Variants in CUX1 observed in about 807,000 individuals in gnomAD.
CUX1 encodes the protein cut like homeobox 1.
A neutral mutation model predicts 158.8 loss-of-function variants in CUX1; 31 were observed. The observed-to-expected ratio is 0.20, with a 90% CI of 0.15 to 0.26. CUX1 has a LOEUF of 0.26. CUX1 is among the 10% of genes least tolerant of loss of function. The probability of loss-of-function intolerance (pLI) is 1.00; values close to 1 mark genes in which losing one functional copy is unlikely to be tolerated. For missense variants in CUX1, 1,589 were observed against 2,014.6 expected (o/e 0.79, Z 4.04); for synonymous variants, 879 against 862.1 (o/e 1.02, Z -0.34).
In CUX1 at chr7:102,248,949, C is replaced by T. The variant is rs149171097; in HGVS notation, c.4425C>T (p.Pro1475=). 1.5e-5 allele frequency: 23 copies of T among 1,487,892 alleles called. No homozygotes were observed. Among genetic ancestry groups the T allele is most frequent in the Non-Finnish European group, 2.0e-5 (22 of 1,114,058 alleles). 92.2% of individuals were successfully genotyped at this position (1,487,892 alleles called of 1,614,324 possible). ...AAGARDSRDN[P]LRKKKAANLN... is the part of the protein sequence containing the mutation. The stretch of plus-strand genomic sequence containing the variant: ...GCGCCCGGGACTCGCGCGACAACCC[C>T]CTGCGCAAGAAGAAGGCCGCGAACT... Residue 1475 remains proline, a synonymous_variant, in exon 24 of 24, where the codon CCC becomes CCT. Coordinates refer to ENST00000292535, the MANE Select transcript of CUX1 (RefSeq NM_181552.4). The surrounding 1 kb of genome is among the most constrained non-coding windows in gnomAD (Gnocchi z 5.8).
chr7:102,227,226 G>A, intron 20 of CUX1, 141 bp from the exon 21 acceptor site: 1 of 721,428 alleles, frequency 1.4e-6, no homozygotes, highest in East Asian at 2.5e-5. Flanking sequence ...ATATGAAACA[G>A]TTCACTAAGA....
intron 1 of CUX1, among the ~76,000 whole-genome samples, chr7:101,825,166 G>A (rs770444348): frequency 2.6e-5 from 4 of 152,132 alleles, no homozygotes; most frequent in Admixed American, 2.0e-4. Context: ...CTAAAATTAC[G>A]ACCAGAGCTG....
chr7:102,140,798 G>C (rs1280206184), intron 8 of CUX1, among the ~76,000 whole-genome samples: 1 of 151,642 alleles, frequency 6.6e-6, no homozygotes, highest in African/African-American at 2.4e-5. Flanking sequence ...CCAGGAGGCA[G>C]AGGTTGCGGT....
chr7:102,223,467 C>T (rs1389671767), intron 20 of CUX1, among the ~76,000 whole-genome samples: 7 of 151,772 alleles, frequency 4.6e-5, no homozygotes, highest in Admixed American at 1.3e-4. Flanking sequence ...GTCAGGGTGG[C>T]GAGGGTGAGG....
chr7:101,880,675 A>G (rs1020674781), intron 1 of CUX1, among the ~76,000 whole-genome samples: 11 of 152,232 alleles, frequency 7.2e-5, no homozygotes, highest in African/African-American at 2.7e-4. Context: ...AGAATGAAAT[A>G]TAGACTATAA....
At chr7:101,873,657 C>T (rs1798821764) in intron 1 of CUX1, among the ~76,000 whole-genome samples, 1 of 152,170 alleles carries the variant, frequency 6.6e-6, no homozygotes, top group Non-Finnish European at 1.5e-5. Context: ...GATCTTGGCT[C>T]ACTGCAACCT....
intron 20 of CUX1, among the ~76,000 whole-genome samples, chr7:102,222,437 G>A (rs1180043893): frequency 9.9e-5 from 15 of 152,140 alleles, no homozygotes; most frequent in African/African-American, 2.9e-4. Context: ...CACGTTGCCT[G>A]TCTGAGCCTC....
chr7:102,164,025 C>T (rs1427120196), intron 9 of CUX1, among the ~76,000 whole-genome samples: 1 of 152,212 alleles, frequency 6.6e-6, no homozygotes. Context: ...CATAAATACT[C>T]ACTGTCCCAA....
At chr7:102,089,009 G>A (rs1284603388) in intron 4 of CUX1, among the ~76,000 whole-genome samples, 1 of 152,206 alleles carries the variant, frequency 6.6e-6, no homozygotes. Flanking sequence ...ATAGGTTGCC[G>A]AGGGTTTACT....
At chr7:102,055,389 T>C (rs1263020686) in intron 3 of CUX1, among the ~76,000 whole-genome samples, 3 of 152,198 alleles carry the variant, frequency 2.0e-5, no homozygotes, top group African/African-American at 7.2e-5. Flanking sequence ...GTCAGCATTA[T>C]TTTTCCAACT....
chr7:102,182,415 T>C (rs1793195784), intron 11 of CUX1, among the ~76,000 whole-genome samples: 1 of 152,254 alleles, frequency 6.6e-6, no homozygotes, highest in Non-Finnish European at 1.5e-5. Flanking sequence ...TCTCCATCTT[T>C]CTGCCACTGA....
intron 3 of CUX1, among the ~76,000 whole-genome samples, chr7:102,067,403 A>G (rs1249099574): frequency 2.6e-5 from 4 of 151,526 alleles, no homozygotes; most frequent in Non-Finnish European, 5.9e-5. Flanking sequence ...ATGCCCGGCT[A>G]ATTTTTATAT....
chr7:101,863,039 A>G (rs1199373754), intron 1 of CUX1, among the ~76,000 whole-genome samples: 2 of 152,102 alleles, frequency 1.3e-5, no homozygotes, highest in Non-Finnish European at 2.9e-5. Context: ...TAACTTTCTC[A>G]TCGCTCACCC....
chr7:101,946,539 C>T (rs1456240162), intron 2 of CUX1, among the ~76,000 whole-genome samples: 3 of 96,606 alleles, frequency 3.1e-5, no homozygotes, highest in South Asian at 3.5e-4. Flanking sequence ...AGCGAGACTC[C>T]GTCTCAAAAA....
intron 18 of CUX1, among the ~76,000 whole-genome samples, chr7:102,279,329 A>T (rs1791876160): frequency 6.6e-6 from 1 of 152,202 alleles, no homozygotes; most frequent in Non-Finnish European, 1.5e-5. Context: ...CGACAGAGCG[A>T]AACTCTGTCT....
At chr7:102,215,198 C>G (rs1353670548) in intron 20 of CUX1, among the ~76,000 whole-genome samples, 1 of 146,390 alleles carries the variant, frequency 6.8e-6, no homozygotes. Flanking sequence ...CCAGAAATAG[C>G]ATTCTAAGAG....
intron 8 of CUX1, among the ~76,000 whole-genome samples, chr7:102,143,994 C>T (rs1490049195): frequency 6.6e-6 from 1 of 152,068 alleles, no homozygotes; most frequent in Admixed American, 6.6e-5. Context: ...GTTGGCCAGG[C>T]TGGTCTCGAA....
chr7:102,038,965 A>G (rs1336396817), intron 3 of CUX1, among the ~76,000 whole-genome samples: 3 of 152,190 alleles, frequency 2.0e-5, no homozygotes, highest in Non-Finnish European at 4.4e-5. Flanking sequence ...TAAATAGATA[A>G]ATAAACTTAT....
Position 102,280,839 on chromosome 7 carries a change from G to A in CUX1, c.1800G>A (p.Trp600Ter). ...GGAAGTACCTGAGCTTGAGTCCCTG[G>A]GACAAGGCCACCCTCAGCATGGTGA... Residue 600 changes from tryptophan to a stop codon, truncating the protein, a stop_gained, in exon 20 of 23, where the codon TGG (tryptophan) becomes TGA (stop). Transcript: ENST00000292538. LOFTEE classifies it high-confidence loss of function. The A allele has an allele frequency of 6.8e-6, 11 of 1,612,772 alleles. No individual in the cohort carries two copies. The highest frequency in any genetic ancestry group is 9.3e-6 in the Non-Finnish European group (11 of 1,179,956).
Sources: gnomAD v4.1 joint callset for allele counts (sites outside exome capture counted in the v4.1 genomes callset) on GRCh38, gnomAD v4.1.1 for gene constraint, Gnocchi (gnomAD v3.1) non-coding constraint, MANE v1.5 for transcripts, NCBI Gene and HGNC (gene_info 2026-07-23, HGNC 2026-07-21) for gene names.